IL17RB: variants seen among roughly 807,000 people sequenced by gnomAD.
IL17RB encodes the protein interleukin-17 receptor B.
A neutral mutation model predicts 43.9 loss-of-function variants in IL17RB; 36 were observed. That is an observed-to-expected ratio of 0.82 (90% confidence interval 0.63 to 1.08). The LOEUF is 1.08. Among genes scored for constraint, IL17RB ranks in the 50% least tolerant of loss-of-function variants. IL17RB has a pLI of 0.00. For synonymous variants in IL17RB, 225 were observed against 225.4 expected (o/e 1.00, Z 0.02); for missense variants, 613 against 613.6 (o/e 1.00, Z 0.01).
Position 53,865,114 on chromosome 3 carries a change from C to T in IL17RB, c.1315C>T (p.His439Tyr). 1.2e-6 allele frequency: 2 copies of T among 1,614,212 alleles called. No homozygotes were observed. Among genetic ancestry groups the T allele is most frequent in the South Asian group, 2.2e-5 (2 of 91,078 alleles). The change falls in exon 11 of 11, where the codon CAT (histidine) becomes TAT (tyrosine). Residue 439 changes from histidine to tyrosine, a missense_variant. Coordinates refer to ENST00000288167, the MANE Select transcript of IL17RB (RefSeq NM_018725.4). ...LFCSDLRSQI[H>Y]LHKYVVVYFR... Reference sequence around the variant, plus strand: ...CTGCAGTGATCTAAGAAGCCAGATTCATCTGCACAAATACGTGGTGGTCTA... The same window carrying T: ...CTGCAGTGATCTAAGAAGCCAGATTTATCTGCACAAATACGTGGTGGTCTA...
chr3:53,851,318 C>T (rs961649806), intron 3 of IL17RB, among the ~76,000 whole-genome samples: 1 of 152,144 alleles, frequency 6.6e-6, no homozygotes, highest in Non-Finnish European at 1.5e-5. Flanking sequence ...GACACAGGCA[C>T]AATGTCAGGG....
At chr3:53,863,734 G>A (rs1286625506) in intron 10 of IL17RB, among the ~76,000 whole-genome samples, 2 of 151,896 alleles carry the variant, frequency 1.3e-5, no homozygotes, top group African/African-American at 4.8e-5. Flanking sequence ...TAATTGACCC[G>A]ACTCAAAATG....
At chr3:53,861,762 G>A (rs1258949963) in intron 10 of IL17RB, among the ~76,000 whole-genome samples, 5 of 152,280 alleles carry the variant, frequency 3.3e-5, no homozygotes, top group African/African-American at 1.2e-4. Flanking sequence ...GTGAGTTCCC[G>A]GATGCCATTA....
intron 10 of IL17RB, among the ~76,000 whole-genome samples, chr3:53,864,520 G>A (rs889590772): frequency 1.3e-5 from 2 of 152,182 alleles, no homozygotes; most frequent in South Asian, 4.2e-4. Flanking sequence ...GGGCGACAGA[G>A]TGAGACTATG....
At chr3:53,856,511 T>C (rs1699337233) in intron 6 of IL17RB, among the ~76,000 whole-genome samples, 1 of 152,186 alleles carries the variant, frequency 6.6e-6, no homozygotes, top group Admixed American at 6.5e-5. Flanking sequence ...TTTCTCCCCA[T>C]CCTGGGAAGT....
At chr3:53,863,278 C>T (rs962201172) in intron 10 of IL17RB, among the ~76,000 whole-genome samples, 2 of 152,138 alleles carry the variant, frequency 1.3e-5, no homozygotes, top group African/African-American at 4.8e-5. Flanking sequence ...GCCGGTGCCC[C>T]TCCCCACTGT....
chr3:53,850,047 G>C (rs28741390), intron 3 of IL17RB, among the ~76,000 whole-genome samples: 6,720 of 152,270 alleles, frequency 0.044, 373 homozygotes, highest in African/African-American at 0.13. Context: ...TGAATGATCT[G>C]TAACTACGTA....
At chr3:53,853,512 C>T (rs1254301147) in intron 5 of IL17RB, among the ~76,000 whole-genome samples, 1 of 152,244 alleles carries the variant, frequency 6.6e-6, no homozygotes, top group Admixed American at 6.5e-5. Flanking sequence ...GGCTTGTCCC[C>T]AAGCTGTCCA....
intron 2 of IL17RB, 144 bp from the exon 3 acceptor site, chr3:53,849,511 A>T: frequency 1.8e-6 from 1 of 546,554 alleles, no homozygotes; most frequent in Non-Finnish European, 2.5e-6. Flanking sequence ...CCCCATCTCT[A>T]CAAAAAACAT....
chr3:53,852,338 A>C (rs1699181852), intron 4 of IL17RB, among the ~76,000 whole-genome samples: 1 of 151,920 alleles, frequency 6.6e-6, no homozygotes. Flanking sequence ...GGGGGGTTTC[A>C]CCGTGTTGCT....
Position 53,855,259 on chromosome 3 carries a change from T to C in IL17RB, c.482-35T>C. Reference sequence around the variant, plus strand: ...AAGGGGGTGGGGCAGAGATACCTTTTTCTAAAATGTAAAAACTTTCATTCA... The same window carrying C: ...AAGGGGGTGGGGCAGAGATACCTTTCTCTAAAATGTAAAAACTTTCATTCA... On this transcript the variant is annotated intron_variant, in intron 5 of 10. Transcript: ENST00000288167. 2 of 1,504,392 alleles carry C rather than the reference T, an allele frequency of 1.3e-6. 1 individual carries two copies. The allele number at this position is 1,504,392 out of a possible 1,614,324, so 93.2% of individuals were successfully genotyped here. A position where few individuals can be genotyped will look rare whatever the true frequency, so the allele number is the denominator to read the frequency against.
chr3:53,858,654 G>T (rs964519188), intron 8 of IL17RB, 65 bp from the exon 9 acceptor site: 2 of 1,584,422 alleles, frequency 1.3e-6, no homozygotes, highest in Non-Finnish European at 1.7e-6. Context: ...GCTGAAGTAG[G>T]AGTCTTGGTG....
At chr3:53,856,557 A>T (rs751019440) in intron 6 of IL17RB, among the ~76,000 whole-genome samples, 1 of 152,196 alleles carries the variant, frequency 6.6e-6, no homozygotes, top group Non-Finnish European at 1.5e-5. Flanking sequence ...CTCAAAAGAG[A>T]GGTTGAAAAC....
intron 3 of IL17RB, among the ~76,000 whole-genome samples, chr3:53,851,676 A>T (rs1699154165): frequency 6.6e-6 from 1 of 152,192 alleles, no homozygotes; most frequent in Admixed American, 6.5e-5. Context: ...AAAGAGACCC[A>T]GAATAGTGCA....
At chr3:53,854,747 C>G (rs1449918801) in intron 5 of IL17RB, among the ~76,000 whole-genome samples, 2 of 152,196 alleles carry the variant, frequency 1.3e-5, no homozygotes, top group African/African-American at 4.8e-5. Context: ...CTACCCCACC[C>G]TGGGGTGAGG....
chr3:53,865,032 C>T lies in IL17RB; in HGVS notation c.1233C>T (p.Ser411=), dbSNP rs761863476. 30 of 1,614,052 alleles carry T rather than the reference C, an allele frequency of 1.9e-5. No individual in the cohort carries two copies. Among genetic ancestry groups the T allele is most frequent in the African/African-American group, 2.7e-5 (2 of 74,904 alleles). ...NSVCDGTCGK[S]EGSPSENSQD... ...TGTGCGATGGTACCTGTGGCAAGAGCGAGGGCAGTCCCAGTGAGAACTCTC... is the reference window on the plus strand; with the variant it reads ...TGTGCGATGGTACCTGTGGCAAGAGTGAGGGCAGTCCCAGTGAGAACTCTC... The change falls in exon 11 of 11, where the codon AGC becomes AGT. Residue 411 remains serine, a synonymous_variant. Coordinates refer to ENST00000288167, the MANE Select transcript of IL17RB (RefSeq NM_018725.4).
At chr3:53,852,691 T>G (rs962643665) in intron 4 of IL17RB, among the ~76,000 whole-genome samples, 180 bp from the exon 5 acceptor site, 1 of 152,248 alleles carries the variant, frequency 6.6e-6, no homozygotes, top group Non-Finnish European at 1.5e-5. Context: ...GCTTTAAAAC[T>G]TTATACTTCT....
Position 53,858,818 on chromosome 3 carries a change from A to G in IL17RB, c.847A>G (p.Asn283Asp). 1 of 1,611,742 alleles carries G rather than the reference A, an allele frequency of 6.2e-7. No homozygotes were observed. Among genetic ancestry groups the G allele is most frequent in the Non-Finnish European group, 8.5e-7 (1 of 1,177,868 alleles). Reference protein sequence around the residue: ...QTGVPFPLDNNKSKPGGWLPL... With the variant: ...QTGVPFPLDNDKSKPGGWLPL... ...AGGCGTCCCTTTCCCTCTGGATAACAGTAAGTGCCCAGTAACTTCAACCAG... is the reference window on the plus strand; with the variant it reads ...AGGCGTCCCTTTCCCTCTGGATAACGGTAAGTGCCCAGTAACTTCAACCAG... Residue 283 changes from asparagine (N) to aspartate (D), a missense_variant and splice_region_variant, in exon 9 of 11, where the codon AAC (asparagine) becomes GAC (aspartate). Asn to Asp is a conservative substitution (Grantham distance 23). Transcript: ENST00000288167.
intron 10 of IL17RB, 127 bp downstream of exon 10, chr3:53,860,355 T>TACCTTC: frequency 6.1e-6 from 4 of 654,450 alleles, no homozygotes; most frequent in Non-Finnish European, 1.1e-5. Context: ...ATTTATGTAA[T>TACCTTC]ACCTTCAAGT....
Sources: gnomAD v4.1 joint callset for allele counts (sites outside exome capture counted in the v4.1 genomes callset) on GRCh38, gnomAD v4.1.1 for gene constraint, MANE v1.5 for transcripts, NCBI Gene and HGNC (gene_info 2026-07-23, HGNC 2026-07-21) for gene names.